HTR2A: variants seen among roughly 807,000 people sequenced by gnomAD.
HTR2A encodes the protein 5-HT2 receptor.
HTR2A carries 14 observed loss-of-function variants against 31.0 expected under a neutral mutation model. That is an observed-to-expected ratio of 0.45 (90% confidence interval 0.30 to 0.71). The LOEUF is 0.71. Among genes scored for constraint, HTR2A ranks in the 30% least tolerant of loss-of-function variants. The pLI is 0.09. For missense variants in HTR2A, 442 were observed against 573.3 expected (o/e 0.77, Z 2.34); for synonymous variants, 209 against 225.2 (o/e 0.93, Z 0.64).
chr13:46,835,314 C>A lies in HTR2A; in HGVS notation c.939G>T (p.Gln313His), dbSNP rs1280758470. 6.2e-7 allele frequency: 1 copy of A among 1,613,986 alleles called. No individual in the cohort carries two copies. The highest frequency in any genetic ancestry group is 8.5e-7 in the Non-Finnish European group (1 of 1,180,002). The stretch of plus-strand genomic sequence containing the variant: ...ATGCCTTTTGCTCATTGCTGATGGA[C>A]TGCATAGTCCTCCTGCCTGTGTAGG... ...PGSYTGRRTMQSISNEQKACK... is the reference protein window; with the variant it reads ...PGSYTGRRTMHSISNEQKACK... Residue 313 changes from glutamine to histidine, a missense_variant, in exon 4 of 4, where the codon CAG (glutamine) becomes CAT (histidine). By Grantham distance (24) the Gln-to-His change is conservative (BLOSUM62 0). This residue lies in a region of HTR2A where 174 missense variants were observed against 195.1 expected (regional missense o/e 0.89). Coordinates refer to ENST00000542664, the MANE Select transcript of HTR2A (RefSeq NM_000621.5).
intron 3 of HTR2A, among the ~76,000 whole-genome samples, chr13:46,860,791 G>A (rs1281466376): frequency 6.6e-6 from 1 of 152,192 alleles, no homozygotes; most frequent in Non-Finnish European, 1.5e-5. Context: ...GAAATTTGAT[G>A]GGTTACTATT....
intron 3 of HTR2A, among the ~76,000 whole-genome samples, chr13:46,863,823 T>C (rs1950800578): frequency 6.6e-6 from 1 of 150,726 alleles, no homozygotes; most frequent in South Asian, 2.1e-4. Context: ...TCGGTGGGAG[T>C]GTAAATTAGT....
intron 3 of HTR2A, among the ~76,000 whole-genome samples, chr13:46,858,773 G>A (rs996871982): frequency 6.6e-6 from 1 of 152,210 alleles, no homozygotes; most frequent in African/African-American, 2.4e-5. Flanking sequence ...TGTGGGAGGT[G>A]AGGAAGATGG....
rs149897599 is a variant in HTR2A at position 46,875,289 on chromosome 13, C to T, written c.613+17101G>A. Among the ~76,000 whole-genome samples the T allele has an allele frequency of 7.2e-5, 11 of 152,258 alleles. No individual in the cohort carries two copies. In the East Asian group the frequency reaches 1.7e-3, roughly 24 times the overall value. On this transcript the variant is annotated intron_variant, in intron 3 of 3. Coordinates refer to ENST00000542664, the MANE Select transcript of HTR2A (RefSeq NM_000621.5). ...AAAAGGAATCATGAATCTACCCCCA[C>T]ATAAAATAGGGAATGGTAGGAGAAA...
Position 46,895,641 on chromosome 13 carries a change from ATAGT to A in HTR2A, c.262_265del (p.Thr88LeufsTer13). ...CATGATGACGAGTATGTTTCCAGCA[ATAGT>A]TAGAATAATCACTACGGCTGTCAGT... On this transcript the variant is annotated frameshift_variant, in exon 2 of 4. Coordinates refer to ENST00000542664, the MANE Select transcript of HTR2A (RefSeq NM_000621.5). LOFTEE classifies it high-confidence loss of function. This position sits in a 1 kb window ranked among gnomAD's most constrained non-coding sequence, Gnocchi z 4.4. 6.2e-7 allele frequency: 1 copy of A among 1,614,222 alleles called. No individual in the cohort carries two copies. Among genetic ancestry groups the A allele is most frequent in the Non-Finnish European group, 8.5e-7 (1 of 1,180,048 alleles).
chr13:46,859,733 C>T (rs1950766249), intron 3 of HTR2A, among the ~76,000 whole-genome samples: 1 of 152,120 alleles, frequency 6.6e-6, no homozygotes, highest in Admixed American at 6.6e-5. Flanking sequence ...GCTTCCTGTA[C>T]AGCCTGCAGA....
Position 46,860,217 on chromosome 13 carries a change from G to A in HTR2A, c.614-24578C>T, listed in dbSNP as rs142165785. ...GTCTGTGCTGTACAGGTTGGTAAAT[G>A]TTTTGAAGGTCATACCTGCCTAGAC... On this transcript the variant is annotated intron_variant, in intron 3 of 3. Coordinates refer to ENST00000542664, the MANE Select transcript of HTR2A (RefSeq NM_000621.5). 1.0e-3 allele frequency among the ~76,000 whole-genome samples: 154 copies of A among 152,302 alleles called. 1 individual carries two copies. Among genetic ancestry groups the A allele is most frequent in the African/African-American group, 3.6e-3 (148 of 41,562 alleles).
chr13:46,837,388 G>A (rs979376026), intron 3 of HTR2A, among the ~76,000 whole-genome samples: 3 of 152,252 alleles, frequency 2.0e-5, no homozygotes, highest in South Asian at 4.2e-4. Context: ...CATGAATCAA[G>A]TACTCTGTAT....
In HTR2A at chr13:46,847,224, G is replaced by A. The variant is rs111459400; in HGVS notation, c.614-11585C>T. Among the ~76,000 whole-genome samples the A allele has an allele frequency of 5.6e-4, 86 of 152,322 alleles. 1 individual carries two copies. The Middle Eastern group carries it at 0.024, about 42-fold the overall frequency. ...GCTGTAATTGGGGCAGTGAGCGGGG[G>A]TGCCTCTTTCAAAGATAGTTCTGCT... is the stretch of plus-strand genomic sequence containing the variant. On this transcript the variant is annotated intron_variant, in intron 3 of 3. Transcript: ENST00000542664.
chr13:46,835,688 T>A (rs372924456), intron 3 of HTR2A, 49 bp from the exon 4 acceptor site: 2 of 1,385,592 alleles, frequency 1.4e-6, no homozygotes, highest in African/African-American at 2.9e-5. Context: ...ATTAAGTATA[T>A]GAAGGCAAGA....
chr13:46,843,605 G>C (rs1334135117), intron 3 of HTR2A, among the ~76,000 whole-genome samples: 2 of 152,130 alleles, frequency 1.3e-5, no homozygotes, highest in African/African-American at 4.8e-5. Context: ...GTCTGAGGGA[G>C]GTATGGTGGC....
intron 3 of HTR2A, among the ~76,000 whole-genome samples, chr13:46,863,657 A>AAAAAAAAAAAAG (rs1566309853): frequency 5.1e-5 from 6 of 118,252 alleles, no homozygotes; most frequent in African/African-American, 6.1e-5. Flanking sequence ...AAAGAAAAAA[A>AAAAAAAAAAAAG]AAAAAGACAG....
intron 3 of HTR2A, among the ~76,000 whole-genome samples, chr13:46,863,789 A>G (rs549361981): frequency 6.6e-6 from 1 of 152,234 alleles, no homozygotes; most frequent in Admixed American, 6.5e-5. Flanking sequence ...AAGGTTGTGG[A>G]GAAAAAGGAA....
At chr13:46,844,240 A>C (rs1226744116) in intron 3 of HTR2A, among the ~76,000 whole-genome samples, 1 of 152,184 alleles carries the variant, frequency 6.6e-6, no homozygotes, top group Non-Finnish European at 1.5e-5. Flanking sequence ...AGCTTAGTAA[A>C]TGCTTGTGGG....
chr13:46,879,386 G>A (rs1950942760), intron 3 of HTR2A, among the ~76,000 whole-genome samples: 1 of 152,214 alleles, frequency 6.6e-6, no homozygotes, highest in Non-Finnish European at 1.5e-5. Context: ...GAAGGGCTTG[G>A]TGACCTTGAC....
chr13:46,856,829 G>A (rs1306650036), intron 3 of HTR2A, among the ~76,000 whole-genome samples: 1 of 152,142 alleles, frequency 6.6e-6, no homozygotes, highest in Non-Finnish European at 1.5e-5. Flanking sequence ...GTCCAAAACA[G>A]CCACATGATA....
At chr13:46,886,046 C>T (rs1160865573) in intron 3 of HTR2A, among the ~76,000 whole-genome samples, 1 of 152,126 alleles carries the variant, frequency 6.6e-6, no homozygotes, top group Non-Finnish European at 1.5e-5. Context: ...CTGATTTTAG[C>T]CGTATCAAAC....
At chr13:46,887,190 C>T (rs374514318) in intron 3 of HTR2A, among the ~76,000 whole-genome samples, 15 of 151,958 alleles carry the variant, frequency 9.9e-5, no homozygotes, top group South Asian at 4.2e-4. Context: ...GATGCCGAGG[C>T]GGGCGGATCA....
chr13:46,838,191 G>A (rs1353349379), intron 3 of HTR2A, among the ~76,000 whole-genome samples: 1 of 152,202 alleles, frequency 6.6e-6, no homozygotes, highest in African/African-American at 2.4e-5. Context: ...TCATGTACAA[G>A]GTCTTCTTAG....
Sources: gnomAD v4.1 joint callset for allele counts (sites outside exome capture counted in the v4.1 genomes callset) on GRCh38, gnomAD v4.1.1 for gene constraint, gnomAD v4.1.1 regional missense constraint, Gnocchi (gnomAD v3.1) non-coding constraint, MANE v1.5 for transcripts, NCBI Gene and HGNC (gene_info 2026-07-23, HGNC 2026-07-21) for gene names.